The following PDE10A variants were observed in gnomAD, a reference collection of about 807,000 sequenced individuals.
PDE10A encodes the protein cAMP and cAMP-inhibited cGMP 3',5'-cyclic phosphodiesterase 10A.
Under a neutral mutation model 97.7 loss-of-function variants are expected in PDE10A, and 39 were observed. The ratio of observed to expected loss-of-function variants is 0.40; its 90% CI spans 0.31 to 0.52. The LOEUF (loss-of-function observed/expected upper bound fraction) is 0.52. Among genes scored for constraint, PDE10A ranks in the 20% least tolerant of loss-of-function variants. The probability of loss-of-function intolerance (pLI) is 0.56; values close to 1 mark genes in which losing one functional copy is unlikely to be tolerated. For synonymous variants in PDE10A, 371 were observed against 376.8 expected (o/e 0.98, Z 0.18); for missense variants, 731 against 1,047.8 (o/e 0.70, Z 4.17).
intron 16 of PDE10A, among the ~76,000 whole-genome samples, chr6:165,391,799 T>C (rs927126401): frequency 7.9e-5 from 12 of 152,212 alleles, no homozygotes; most frequent in African/African-American, 2.7e-4. Context: ...TGGAAAAGGA[T>C]AGGATGGACC....
rs73027549 is a variant in PDE10A at position 165,942,303 on chromosome 6, T to C, written c.-615+45226A>G. On this transcript the variant is annotated intron_variant, in intron 1 of 19. Transcript: ENST00000366882. ...ATGTATGTGTGTGTATATATATATA[T>C]ACACACACATATATGCGCACACACA... Among the ~76,000 whole-genome samples, 289 of 150,674 alleles carry C rather than the reference T, an allele frequency of 1.9e-3. 4 individuals carry two copies. The highest frequency in any genetic ancestry group is 5.9e-3 in the African/African-American group (240 of 40,848).
chr6:165,494,840 T>C lies in PDE10A; in HGVS notation c.995-12497A>G, dbSNP rs559953079. On this transcript the variant is annotated intron_variant, in intron 2 of 21. Coordinates refer to ENST00000539869, the MANE Select transcript of PDE10A (RefSeq NM_001385079.1). ...AAATTTAAGTCACACACTGATACTA[T>C]GGAGAACTTTGTGACTGACTTCACT... 1.1e-4 allele frequency among the ~76,000 whole-genome samples: 17 copies of C among 152,302 alleles called. No homozygotes were observed. The South Asian group carries it at 3.1e-3, about 28-fold the overall frequency.
At chr6:165,696,304 A>T (rs1401820640) in intron 1 of PDE10A, among the ~76,000 whole-genome samples, 1 of 152,160 alleles carries the variant, frequency 6.6e-6, no homozygotes, top group Non-Finnish European at 1.5e-5. Flanking sequence ...GAAAATACCG[A>T]ATGAAAAATC....
intron 1 of PDE10A, among the ~76,000 whole-genome samples, chr6:165,702,793 T>G (rs1791612855): frequency 6.6e-6 from 1 of 152,172 alleles, no homozygotes; most frequent in African/African-American, 2.4e-5. Flanking sequence ...GTTCCCATGG[T>G]GCACTGCAAG....
At chr6:165,765,609 G>C (rs1253735962) in intron 1 of PDE10A, among the ~76,000 whole-genome samples, 1 of 152,228 alleles carries the variant, frequency 6.6e-6, no homozygotes, top group Non-Finnish European at 1.5e-5. Flanking sequence ...ACGCCCACCT[G>C]GAACTCCAGC....
intron 1 of PDE10A, among the ~76,000 whole-genome samples, chr6:165,916,808 G>A (rs1782616969): frequency 1.3e-5 from 2 of 152,142 alleles, no homozygotes; most frequent in Admixed American, 1.3e-4. Flanking sequence ...TGCTCTGTGG[G>A]ATAAGGGCCA....
chr6:165,778,175 C>T (rs1164517504), intron 1 of PDE10A, among the ~76,000 whole-genome samples: 1 of 152,032 alleles, frequency 6.6e-6, no homozygotes, highest in East Asian at 1.9e-4. Flanking sequence ...CCCGGGTTCA[C>T]GCTGTTCTCC....
intron 1 of PDE10A, among the ~76,000 whole-genome samples, chr6:165,765,601 G>T (rs911481176): frequency 3.3e-5 from 5 of 152,156 alleles, no homozygotes; most frequent in Non-Finnish European, 5.9e-5. Context: ...CCAAGCCCAC[G>T]CCCACCTGGA....
intron 1 of PDE10A, among the ~76,000 whole-genome samples, chr6:165,646,746 C>G (rs1789417259): frequency 6.6e-6 from 1 of 152,130 alleles, no homozygotes; most frequent in African/African-American, 2.4e-5. Context: ...GAAGGAGCAC[C>G]TGGCCACAGC....
chr6:165,463,565 A>G (rs1294056587), intron 3 of PDE10A, among the ~76,000 whole-genome samples: 2 of 152,204 alleles, frequency 1.3e-5, no homozygotes, highest in African/African-American at 2.4e-5. Context: ...TGTTGTTTGT[A>G]TAGTCTGCAG....
intron 1 of PDE10A, among the ~76,000 whole-genome samples, chr6:165,984,399 ATTC>A (rs1338927872): frequency 1.3e-5 from 2 of 152,220 alleles, no homozygotes; most frequent in African/African-American, 2.4e-5. Flanking sequence ...CTGAAATACA[ATTC>A]TTATTTCTTT....
At chr6:165,837,014 A>C (rs1368995866) in intron 1 of PDE10A, among the ~76,000 whole-genome samples, 1 of 135,576 alleles carries the variant, frequency 7.4e-6, no homozygotes, top group Non-Finnish European at 1.5e-5. Context: ...TCACATGGAC[A>C]CAGGAAGGGG....
intron 13 of PDE10A, among the ~76,000 whole-genome samples, chr6:165,399,099 A>G (rs1786420988): frequency 6.6e-6 from 1 of 152,234 alleles, no homozygotes; most frequent in African/African-American, 2.4e-5. Flanking sequence ...TCAAATAACA[A>G]AAGGGTCAGG....
chr6:165,857,814 C>T (rs1278734287), intron 1 of PDE10A, among the ~76,000 whole-genome samples: 1 of 151,980 alleles, frequency 6.6e-6, no homozygotes, highest in East Asian at 1.9e-4. Context: ...AAGTTACTAA[C>T]AGAGGAAGTC....
At chr6:165,762,166 TATTGA>T (rs1217669168) in intron 1 of PDE10A, among the ~76,000 whole-genome samples, 1 of 152,236 alleles carries the variant, frequency 6.6e-6, no homozygotes, top group African/African-American at 2.4e-5. Context: ...ATCTGCTTCC[TATTGA>T]AAAACTTCTC....
At chr6:165,403,201 C>T (rs944611918) in intron 13 of PDE10A, among the ~76,000 whole-genome samples, 6 of 152,158 alleles carry the variant, frequency 3.9e-5, no homozygotes, top group African/African-American at 1.4e-4. Flanking sequence ...CAACCGTTAT[C>T]TTAGATGGGT....
chr6:165,390,133 G>T (rs1402105201), intron 16 of PDE10A, among the ~76,000 whole-genome samples: 2 of 152,166 alleles, frequency 1.3e-5, no homozygotes, highest in Admixed American at 1.3e-4. Context: ...TCTGAGGAAA[G>T]AGAAGGATTA....
intron 1 of PDE10A, among the ~76,000 whole-genome samples, chr6:165,687,839 G>A (rs551857440): frequency 1.3e-5 from 2 of 152,102 alleles, no homozygotes; most frequent in South Asian, 2.1e-4. Context: ...CCAAACTTTC[G>A]CACATTTAAT....
chr6:165,665,368 G>T (rs933052034), upstream of PDE10A, among the ~76,000 whole-genome samples: 6 of 152,196 alleles, frequency 3.9e-5, no homozygotes, highest in African/African-American at 1.4e-4. Flanking sequence ...GCTGCTTGCG[G>T]ATTCCTTTCC....
Sources: gnomAD v4.1 joint callset for allele counts (sites outside exome capture counted in the v4.1 genomes callset) on GRCh38, gnomAD v4.1.1 for gene constraint, MANE v1.5 for transcripts, NCBI Gene and HGNC (gene_info 2026-07-23, HGNC 2026-07-21) for gene names.